The following CHD7 variants were observed in gnomAD, a reference collection of about 807,000 sequenced individuals.
CHD7 encodes the protein chromodomain helicase DNA binding protein 7, also known as ATP-dependent chromatin remodeler CHD7.
A neutral mutation model predicts 307.3 loss-of-function variants in CHD7; 24 were observed. The ratio of observed to expected loss-of-function variants is 0.08; its 90% confidence interval spans 0.06 to 0.11. The LOEUF (loss-of-function observed/expected upper bound fraction) is 0.11. Among genes scored for constraint, CHD7 ranks in the 10% least tolerant of loss-of-function variants. The pLI, the probability that CHD7 is intolerant of heterozygous loss-of-function variation, is 1.00. For synonymous variants in CHD7, 1,363 were observed against 1,349.9 expected, an observed-to-expected ratio of 1.01 and a Z score of -0.21; for missense variants, 3,106 against 3,727.1, an observed-to-expected ratio of 0.83 and a Z score of 4.34.
chr8:60,723,851 G>A (rs188075558), intron 1 of CHD7, among the ~76,000 whole-genome samples: 22 of 152,284 alleles, frequency 1.4e-4, no homozygotes, highest in Admixed American at 7.2e-4. Flanking sequence ...ACTAGTCTGC[G>A]AAGACCCTGT....
At chr8:60,772,721 A>G (rs1325449808) in intron 2 of CHD7, among the ~76,000 whole-genome samples, 2 of 152,228 alleles carry the variant, frequency 1.3e-5, no homozygotes, top group African/African-American at 4.8e-5. Context: ...GGGAAGGGCA[A>G]TATGCAAGGT....
chr8:60,691,192 G>A (rs1164174000), intron 1 of CHD7, among the ~76,000 whole-genome samples: 5 of 152,176 alleles, frequency 3.3e-5, no homozygotes, highest in Admixed American at 3.3e-4. Context: ...ACAGTGCTGG[G>A]ATTACAGGTG....
chr8:60,765,248 CACACACATGTATTTATATATGT>C (rs1321389890), intron 2 of CHD7, among the ~76,000 whole-genome samples: 3 of 151,532 alleles, frequency 2.0e-5, no homozygotes, highest in East Asian at 1.9e-4. Context: ...CATGCATGCA[CACACACATGTATTTATATATGT>C]GCATACACAC....
chr8:60,748,508 G>A lies in CHD7; in HGVS notation c.1665+5411G>A, dbSNP rs117525777. Among the ~76,000 whole-genome samples the A allele has an allele frequency of 5.0e-3, 767 of 152,250 alleles. 8 individuals carry two copies. Among genetic ancestry groups the A allele is most frequent in the South Asian group, 0.035 (169 of 4,818 alleles). ...CAGCACCCAGGAGTACGAAGAGGGT[G>A]GAGAGGGGGTGGAACCAAAAATGAA... On this transcript the variant is annotated intron_variant, in intron 2 of 37. Transcript: ENST00000423902.
rs1024326558 is a variant in CHD7 at position 60,865,739 on chromosome 8, A to G, written c.8800A>G (p.Ser2934Gly). The change falls in exon 38 of 38, where the codon AGC becomes GGC. Residue 2934 changes from serine (S) to glycine (G), a missense_variant. Ser to Gly is a moderately conservative substitution (Grantham distance 56). This residue lies in a region of CHD7 where 351 missense variants were observed against 366.2 expected (regional missense o/e 0.96). Coordinates refer to ENST00000423902, the MANE Select transcript of CHD7 (RefSeq NM_017780.4). The surrounding 1 kb of genome is among the most constrained non-coding windows in gnomAD (Gnocchi z 4.3). Reference sequence around the variant, plus strand: ...AGGACTTCAGAATGCCGTGGGCTCCAGCGAAGAAAAGGCTGCTGACAAGGC... The same window carrying G: ...AGGACTTCAGAATGCCGTGGGCTCCGGCGAAGAAAAGGCTGCTGACAAGGC... ...LAGLQNAVGS[S>G]EEKAADKAEG... 6.2e-7 allele frequency: 1 copy of G among 1,612,094 alleles called. No individual in the cohort carries two copies.
intron 1 of CHD7, among the ~76,000 whole-genome samples, chr8:60,682,039 G>A (rs1805656542): frequency 1.3e-5 from 2 of 152,094 alleles, no homozygotes; most frequent in South Asian, 4.1e-4. Flanking sequence ...TGGTAGAGTG[G>A]TTGTACCGGT....
Position 60,841,754 on chromosome 8 carries a change from G to T in CHD7, c.4644G>T (p.Arg1548Ser). The T allele has an allele frequency of 6.2e-7, 1 of 1,604,316 alleles. No individual in the cohort carries two copies. Among genetic ancestry groups the T allele is most frequent in the Non-Finnish European group, 8.5e-7 (1 of 1,171,514 alleles). The change falls in exon 20 of 38, where the codon AGG (arginine) becomes AGT (serine). Residue 1548 changes from arginine to serine, a missense_variant and splice_region_variant. Around this residue, in one of 10 missense-constraint regions of CHD7, gnomAD observed 122 missense variants for 124.5 expected, o/e 0.98. Coordinates refer to ENST00000423902, the MANE Select transcript of CHD7 (RefSeq NM_017780.4). The stretch of plus-strand genomic sequence containing the variant: ...TGGATATTGATGCCTTAAATGGGAG[G>T]GTGAGTAAGAAGTCCCATTCGAACA... ...AELDIDALNG[R>S]NNLVIDTPRV...
chr8:60,734,353 G>A (rs751339534), intron 1 of CHD7, among the ~76,000 whole-genome samples: 1 of 152,172 alleles, frequency 6.6e-6, no homozygotes. Context: ...GGTGCCAGGG[G>A]TCCTGTCTCT....
At chr8:60,827,533 G>C (rs931474232) in intron 13 of CHD7, among the ~76,000 whole-genome samples, 1 of 152,138 alleles carries the variant, frequency 6.6e-6, no homozygotes, top group Admixed American at 6.6e-5. Context: ...CTATCCACAA[G>C]TGTGGTGATA....
At chr8:60,749,116 T>TA in intron 2 of CHD7, among the ~76,000 whole-genome samples, 1 of 152,058 alleles carries the variant, frequency 6.6e-6, no homozygotes, top group East Asian at 1.9e-4. Flanking sequence ...CTCACGCCTG[T>TA]AATCCCAGCA....
chr8:60,699,540 A>T (rs1806651938), intron 1 of CHD7, among the ~76,000 whole-genome samples: 1 of 151,960 alleles, frequency 6.6e-6, no homozygotes, highest in Admixed American at 6.6e-5. Flanking sequence ...TTTTTTTTTA[A>T]AGCCTGGGGT....
intron 1 of CHD7, among the ~76,000 whole-genome samples, chr8:60,728,601 C>T (rs1421489334): frequency 6.6e-6 from 1 of 152,188 alleles, no homozygotes; most frequent in African/African-American, 2.4e-5. Context: ...TCTCGGCTCA[C>T]TGCAACGAGC....
At chr8:60,780,293 G>C (rs1158882134) in intron 2 of CHD7, among the ~76,000 whole-genome samples, 1 of 152,148 alleles carries the variant, frequency 6.6e-6, no homozygotes, top group Non-Finnish European at 1.5e-5. Context: ...ACCTCCCAAA[G>C]GCATGTCACA....
intron 13 of CHD7, among the ~76,000 whole-genome samples, chr8:60,828,337 A>G (rs1009687677): frequency 1.3e-5 from 2 of 152,214 alleles, no homozygotes; most frequent in Admixed American, 1.3e-4. Flanking sequence ...ATTCTAGGAA[A>G]AAAACTTAAC....
intron 3 of CHD7, among the ~76,000 whole-genome samples, chr8:60,788,889 A>C (rs776689119): frequency 2.0e-5 from 3 of 152,186 alleles, no homozygotes; most frequent in Non-Finnish European, 4.4e-5. Flanking sequence ...TTTAGCTGTT[A>C]AATTTTAGTC....
Position 60,866,159 on chromosome 8 carries a change from G to T in CHD7, c.*226G>T. The T allele has an allele frequency of 2.5e-6, 1 of 399,626 alleles. No individual in the cohort carries two copies. The highest frequency in any genetic ancestry group is 4.4e-6 in the Non-Finnish European group (1 of 224,790). The allele number at this position is 399,626 out of a possible 1,614,324, so 24.8% of individuals were successfully genotyped here. A position where few individuals can be genotyped will look rare whatever the true frequency, so the allele number is the denominator to read the frequency against. ...TCCCTAGGAGAGATGAAATTTGAGA[G>T]GTGATCATGTCTTTTTAAGGAAACT... On this transcript the variant is annotated 3_prime_UTR_variant, in exon 38 of 38. Transcript: ENST00000423902.
rs1282608606 is a variant in CHD7, at chr8:60,678,944, C to A, written c.-313C>A. On this transcript the variant is annotated 5_prime_UTR_variant, in exon 1 of 38. Coordinates refer to ENST00000423902, the MANE Select transcript of CHD7 (RefSeq NM_017780.4). ...GGGGACCCGGACACCCTGAAACTCACCAGAGACCCGTTCGCCCCCGGCCAA... is the reference window on the plus strand; with the variant it reads ...GGGGACCCGGACACCCTGAAACTCAACAGAGACCCGTTCGCCCCCGGCCAA... 1 of 152,074 alleles carries A rather than the reference C, an allele frequency of 6.6e-6. No individual in the cohort carries two copies. Among genetic ancestry groups the A allele is most frequent in the Admixed American group, 6.6e-5 (1 of 15,230 alleles). The allele number at this position is 152,074 out of a possible 1,614,324, so 9.4% of individuals were successfully genotyped here.
chr8:60,696,083 A>C (rs1806452420), intron 1 of CHD7, among the ~76,000 whole-genome samples: 1 of 152,234 alleles, frequency 6.6e-6, no homozygotes, highest in Non-Finnish European at 1.5e-5. Context: ...TTAGAATATC[A>C]TGCAGGCACT....
In CHD7 at chr8:60,776,711, A is replaced by G. The variant is rs538178518; in HGVS notation, c.1666-4289A>G. Reference sequence around the variant, plus strand: ...CTTTTTTATCAGTGTCATTGTTATAATCTCAATAGGACTTGCCGAAACGTT... The same window carrying G: ...CTTTTTTATCAGTGTCATTGTTATAGTCTCAATAGGACTTGCCGAAACGTT... On this transcript the variant is annotated intron_variant, in intron 2 of 37. Coordinates refer to ENST00000423902, the MANE Select transcript of CHD7 (RefSeq NM_017780.4). Among the ~76,000 whole-genome samples, 19 of 152,278 alleles carry G rather than the reference A, an allele frequency of 1.2e-4. No individual in the cohort carries two copies. The South Asian group carries it at 3.9e-3, about 32-fold the overall frequency.
Sources: allele counts gnomAD v4.1 joint callset (sites outside exome capture counted in the v4.1 genomes callset), GRCh38; gene constraint gnomAD v4.1.1; regional missense constraint gnomAD v4.1.1; non-coding constraint Gnocchi (gnomAD v3.1); transcripts MANE v1.5; gene names NCBI Gene and HGNC (gene_info 2026-07-23, HGNC 2026-07-21).